Variants in NSDHL observed in about 807,000 individuals in gnomAD.
The protein encoded by NSDHL is sterol-4-alpha-carboxylate 3-dehydrogenase, decarboxylating.
A neutral mutation model predicts 23.0 loss-of-function variants in NSDHL; 1 was observed. That is an observed-to-expected ratio of 0.04 (90% confidence interval 0.02 to 0.21). NSDHL has a LOEUF of 0.21. Ranked by LOEUF, NSDHL falls within the 10% of genes least tolerant of loss-of-function variation. The pLI, the probability that NSDHL is intolerant of heterozygous loss-of-function variation, is 1.00. For synonymous variants in NSDHL, 128 were observed against 121.1 expected (o/e 1.06, Z -0.37); for missense variants, 237 against 300.9 (o/e 0.79, Z 1.57).
At chrX:152,850,189 T>G in intron 2 of NSDHL, 76 bp from the exon 3 acceptor site, 39 of 1,025,672 alleles carry the variant, frequency 3.8e-5, no homozygotes, top group Non-Finnish European at 5.1e-5. Context: ...CAGTGGCTCA[T>G]GATATGTAAG....
chrX:152,858,640 G>A (rs1933478938), intron 3 of NSDHL, 130 bp from the exon 4 acceptor site: 1 of 542,826 alleles, frequency 1.8e-6, no homozygotes. Context: ...TTATGAGAAT[G>A]TATTTCCATA....
At chrX:152,836,086 T>G (rs1191848835) in intron 1 of NSDHL, among the ~76,000 whole-genome samples, 10 of 112,761 alleles carry the variant, frequency 8.9e-5, no homozygotes, top group African/African-American at 3.2e-4. Flanking sequence ...GTCTGTTGGC[T>G]GCATAAATGT....
intron 1 of NSDHL, among the ~76,000 whole-genome samples, chrX:152,843,896 GTTTA>G (rs1178987147): frequency 8.9e-6 from 1 of 112,273 alleles, no homozygotes; most frequent in Admixed American, 9.4e-5. Flanking sequence ...GTCCTTGGTT[GTTTA>G]TTTGTTAGCC....
At position 152,869,461 on chromosome X, in the gene NSDHL, G is replaced by A; in HGVS notation, c.*345G>A. On this transcript the variant is annotated 3_prime_UTR_variant, in exon 8 of 8. Coordinates refer to ENST00000370274, the MANE Select transcript of NSDHL (RefSeq NM_015922.3). ...TACATAATCAAGGAAGCTGTAGGAAGCTACAACCCATTTGTTAGTTCTGAT... is the reference window on the plus strand; with the variant it reads ...TACATAATCAAGGAAGCTGTAGGAAACTACAACCCATTTGTTAGTTCTGAT... The A allele has an allele frequency of 3.5e-6, 1 of 289,485 alleles. No individual in the cohort carries two copies. 23.9% of individuals were successfully genotyped at this position (289,485 alleles called of 1,213,427 possible). A position where few individuals can be genotyped will look rare whatever the true frequency, so the allele number is the denominator to read the frequency against.
intron 6 of NSDHL, 48 bp from the exon 7 acceptor site, chrX:152,867,523 G>T (rs781945497): frequency 1.0e-6 from 1 of 969,335 alleles, no homozygotes; most frequent in Non-Finnish European, 1.5e-6. Context: ...CCTGGCCTTC[G>T]TGCAGGGGCT....
chrX:152,842,816 T>C (rs1411492545), intron 1 of NSDHL, among the ~76,000 whole-genome samples: 2 of 112,605 alleles, frequency 1.8e-5, no homozygotes, highest in African/African-American at 6.5e-5. Context: ...GAACATCTTT[T>C]CATGTGCTTT....
chrX:152,849,963 A>G (rs1160213450), intron 2 of NSDHL, among the ~76,000 whole-genome samples: 1 of 112,207 alleles, frequency 8.9e-6, no homozygotes, highest in African/African-American at 3.2e-5. Flanking sequence ...AGTTTTGGTC[A>G]TAGGTGGTTT....
At chrX:152,848,522 C>T (rs1234720413) in intron 2 of NSDHL, among the ~76,000 whole-genome samples, 1 of 112,627 alleles carries the variant, frequency 8.9e-6, no homozygotes, top group Non-Finnish European at 1.9e-5. Context: ...CCAAGAGTAG[C>T]GTACTGATTA....
At chrX:152,867,083 T>C (rs1933618496) in intron 6 of NSDHL, among the ~76,000 whole-genome samples, 1 of 111,648 alleles carries the variant, frequency 9.0e-6, no homozygotes, top group Non-Finnish European at 1.9e-5. Context: ...CTCTCCCAAA[T>C]AGGCTTTCTC....
intron 1 of NSDHL, among the ~76,000 whole-genome samples, chrX:152,842,538 G>A (rs963890078): frequency 1.4e-4 from 16 of 111,249 alleles, no homozygotes; most frequent in African/African-American, 4.9e-4. Flanking sequence ...TTGTTCTGTC[G>A]CCCAGGCTGG....
rs1556845573 is a variant in NSDHL, at chrX:152,846,386, A to G, written c.62A>G (p.Asp21Gly). The G allele has an allele frequency of 8.3e-7, 1 of 1,210,169 alleles. No homozygotes were observed. The highest frequency in any genetic ancestry group is 3.0e-5 in the East Asian group (1 of 33,866). ...GTCGCACGGACTCATTTGACAGAGG[A>G]CACTCCCAAAGTGAATGCTGACATA... ...DQVARTHLTE[D>G]TPKVNADIEK... The change falls in exon 2 of 8, where the codon GAC becomes GGC. Residue 21 changes from aspartate (D) to glycine (G), a missense_variant. Asp to Gly is a moderately conservative substitution (Grantham distance 94). Transcript: ENST00000370274.
chrX:152,855,758 C>T (rs1933435588), intron 3 of NSDHL, among the ~76,000 whole-genome samples: 1 of 112,067 alleles, frequency 8.9e-6, no homozygotes, highest in African/African-American at 3.2e-5. Context: ...CTATATTCCT[C>T]CTCAGATTAT....
intron 3 of NSDHL, among the ~76,000 whole-genome samples, chrX:152,852,377 T>A (rs1851726484): frequency 9.0e-6 from 1 of 111,598 alleles, no homozygotes; most frequent in African/African-American, 3.3e-5. Flanking sequence ...ACGTTAGAAT[T>A]TCTTCTTACA....
intron 7 of NSDHL, among the ~76,000 whole-genome samples, 166 bp downstream of exon 7, chrX:152,867,839 C>G (rs1444773421): frequency 7.1e-5 from 8 of 112,070 alleles, no homozygotes; most frequent in Non-Finnish European, 1.3e-4. Flanking sequence ...TGTGGTGTCA[C>G]TGCAGCGTCA....
Position 152,865,831 on chromosome X carries a change from G to T in NSDHL, c.556G>T (p.Ala186Ser). 8.2e-7 allele frequency: 1 copy of T among 1,212,336 alleles called. No individual in the cohort carries two copies. ...KILQERAVLG[A>S]NDPEKNFLTT... ...CACTCTCCTCCAGGCAGTTCTGGGCGCCAACGATCCTGAGAAGAATTTCTT... is the reference window on the plus strand; with the variant it reads ...CACTCTCCTCCAGGCAGTTCTGGGCTCCAACGATCCTGAGAAGAATTTCTT... Residue 186 changes from alanine to serine, a missense_variant, in exon 6 of 8, where the codon GCC (alanine) becomes TCC (serine). Ala to Ser is a moderately conservative substitution (Grantham distance 99, BLOSUM62 1). This residue lies in a region of NSDHL where 39 missense variants were observed against 98.1 expected (regional missense o/e 0.40). Transcript: ENST00000370274.
At chrX:152,857,610 A>G (rs1933462032) in intron 3 of NSDHL, among the ~76,000 whole-genome samples, 2 of 112,343 alleles carry the variant, frequency 1.8e-5, no homozygotes, top group African/African-American at 6.5e-5. Context: ...TGAGGACTAA[A>G]TACTACATGT....
chrX:152,862,134 G>A (rs973628301), intron 4 of NSDHL, among the ~76,000 whole-genome samples: 14 of 112,350 alleles, frequency 1.2e-4, no homozygotes, highest in African/African-American at 3.2e-4. Context: ...TTAAGAGGTC[G>A]TGTGGTGTGT....
rs77089025 is a variant in NSDHL at position 152,855,533 on chromosome X, T to C, written c.268-3237T>C. Among the ~76,000 whole-genome samples the C allele has an allele frequency of 4.6e-4, 52 of 112,432 alleles. 1 individual carries two copies. In the East Asian group the frequency reaches 0.013, roughly 29 times the overall value. On this transcript the variant is annotated intron_variant, in intron 3 of 7. Coordinates refer to ENST00000370274, the MANE Select transcript of NSDHL (RefSeq NM_015922.3). ...GGCCTGTGCAATCTGAAGATGAATGTCTTTCCTCATTTCTGGAAAATTCTT... is the reference window on the plus strand; with the variant it reads ...GGCCTGTGCAATCTGAAGATGAATGCCTTTCCTCATTTCTGGAAAATTCTT...
intron 1 of NSDHL, among the ~76,000 whole-genome samples, chrX:152,845,282 A>G (rs1465630459): frequency 9.0e-6 from 1 of 111,654 alleles, no homozygotes; most frequent in Non-Finnish European, 1.9e-5. Context: ...GATTGGAGCA[A>G]TCACAGCAGG....
Sources: allele counts gnomAD v4.1 joint callset (sites outside exome capture counted in the v4.1 genomes callset), GRCh38; gene constraint gnomAD v4.1.1; regional missense constraint gnomAD v4.1.1; transcripts MANE v1.5; gene names NCBI Gene and HGNC (gene_info 2026-07-23, HGNC 2026-07-21).